CR1: variants seen among roughly 807,000 people sequenced by gnomAD.
CR1 encodes the protein complement C3b/C4b receptor 1 (Knops blood group), also known as complement receptor type 1.
CR1 carries 116 observed loss-of-function variants against 187.3 expected under a neutral mutation model. The ratio of observed to expected loss-of-function variants is 0.62; its 90% CI spans 0.53 to 0.72. The LOEUF (loss-of-function observed/expected upper bound fraction) is 0.72. Ranked by LOEUF, CR1 falls within the 30% of genes least tolerant of loss-of-function variation. The pLI is 0.00. For synonymous variants in CR1, 576 were observed against 747.1 expected (o/e 0.77, Z 3.73); for missense variants, 1,731 against 2,110.7 (o/e 0.82, Z 3.52).
intron 46 of CR1, among the ~76,000 whole-genome samples, chr1:207,638,939 C>A (rs1371358132): frequency 1.3e-5 from 2 of 152,100 alleles, no homozygotes; most frequent in East Asian, 3.9e-4. Flanking sequence ...TGGCGGGGGA[C>A]AATTGTTGTA....
At chr1:207,622,111 C>A in intron 44 of CR1, 115 bp downstream of exon 44, 2 of 705,494 alleles carry the variant, frequency 2.8e-6, no homozygotes, top group South Asian at 2.4e-5. Context: ...GTAAAGAGAT[C>A]AAAATATCTT....
chr1:207,638,748 T>A lies in CR1; in HGVS notation c.7458-649T>A, dbSNP rs151281985. Among the ~76,000 whole-genome samples the A allele has an allele frequency of 9.2e-5, 14 of 152,370 alleles. 1 individual carries two copies. The East Asian group carries it at 2.7e-3, about 29-fold the overall frequency. The stretch of plus-strand genomic sequence containing the variant: ...TTGAATTTCGCCATTATAGTCTGAA[T>A]CAACCACATCAGTACGAATTTGAAC... On this transcript the variant is annotated intron_variant, in intron 46 of 46. Coordinates refer to ENST00000367049, the MANE Select transcript of CR1 (RefSeq NM_000651.6).
chr1:207,598,550 G>C (rs1181775097), intron 35 of CR1, among the ~76,000 whole-genome samples: 1 of 152,026 alleles, frequency 6.6e-6, no homozygotes, highest in Non-Finnish European at 1.5e-5. Context: ...CTGCCGAGTA[G>C]CTGGGACTAC....
Position 207,587,431 on chromosome 1 carries a change from T to C in CR1, c.5576T>C (p.Ile1859Thr). The C allele has an allele frequency of 6.2e-7, 1 of 1,613,952 alleles. No homozygotes were observed. The highest frequency in any genetic ancestry group is 8.5e-7 in the Non-Finnish European group (1 of 1,179,806). ...PEQFPFASPT[I>T]PINDFEFPVG... ...CAGTTTCCATTTGCCAGTCCTACGATCCCAATTAATGACTTTGAGTTTCCA... is the reference window on the plus strand; with the variant it reads ...CAGTTTCCATTTGCCAGTCCTACGACCCCAATTAATGACTTTGAGTTTCCA... The change falls in exon 34 of 47, where the codon ATC (isoleucine) becomes ACC (threonine). Residue 1859 changes from isoleucine to threonine, a missense_variant. Physicochemically the swap from Ile to Thr is moderately conservative, Grantham distance 89. Transcript: ENST00000367049.
In CR1 at chr1:207,624,725, T is replaced by C. The variant is rs115598132; in HGVS notation, c.7352+1657T>C. ...TCTTTTCCATTACAAAAAGAAAAGG[T>C]AAGTAGCTGGGCACTTTACCTTAAC... On this transcript the variant is annotated intron_variant, in intron 45 of 46. Transcript: ENST00000367049. Among the ~76,000 whole-genome samples the C allele has an allele frequency of 9.8e-3, 1,499 of 152,270 alleles. 26 individuals carry two copies. The highest frequency in any genetic ancestry group is 0.035 in the African/African-American group (1,454 of 41,544).
chr1:207,567,348 A>G (rs375478403), intron 24 of CR1, among the ~76,000 whole-genome samples: 1 of 149,734 alleles, frequency 6.7e-6, no homozygotes. Context: ...TTGATGATCA[A>G]TATCAATAAG....
At chr1:207,633,542 T>C (rs868154837) in intron 46 of CR1, among the ~76,000 whole-genome samples, 5 of 152,252 alleles carry the variant, frequency 3.3e-5, no homozygotes, top group African/African-American at 1.2e-4. Flanking sequence ...TTAACTCTAT[T>C]GCATTCATGT....
chr1:207,523,032 T>C (rs1464360306), intron 4 of CR1, among the ~76,000 whole-genome samples: 1 of 152,186 alleles, frequency 6.6e-6, no homozygotes, highest in Non-Finnish European at 1.5e-5. Context: ...AACCTTGAAA[T>C]TACATTTGGA....
At chr1:207,587,922 A>T (rs1661160809) in intron 34 of CR1, among the ~76,000 whole-genome samples, 1 of 152,238 alleles carries the variant, frequency 6.6e-6, no homozygotes, top group South Asian at 2.1e-4. Context: ...TGGCTCTCAC[A>T]AAAGAATTAG....
In CR1 at chr1:207,566,150, T is replaced by C. The variant is rs552540017; in HGVS notation, c.3952+227T>C. Among the ~76,000 whole-genome samples the C allele has an allele frequency of 3.3e-5, 5 of 150,480 alleles. 1 individual carries two copies. Among genetic ancestry groups the C allele is most frequent in the African/African-American group, 1.3e-4 (5 of 39,844 alleles). On this transcript the variant is annotated intron_variant, in intron 24 of 46. Transcript: ENST00000367049. ...GCATTCTCTGTTCTAGTGCGATAAATCCTTTGGTCTTGTGCTCCTAGGTCA... is the reference window on the plus strand; with the variant it reads ...GCATTCTCTGTTCTAGTGCGATAAACCCTTTGGTCTTGTGCTCCTAGGTCA...
chr1:207,620,060 C>T lies in CR1; in HGVS notation c.7247C>T (p.Thr2416Ile). Reference protein sequence around the residue: ...DRWDPPLAKCTSRTHDALIVG... With the variant: ...DRWDPPLAKCISRTHDALIVG... ...TGGGACCCTCCTCTGGCCAAATGTACCTCTCGTAAGTGCAAGTGCAAGGAA... is the reference window on the plus strand; with the variant it reads ...TGGGACCCTCCTCTGGCCAAATGTATCTCTCGTAAGTGCAAGTGCAAGGAA... Residue 2416 changes from threonine (T) to isoleucine (I), a missense_variant, in exon 43 of 47, where the codon ACC (threonine) becomes ATC (isoleucine). This residue lies in a region of CR1 where 1,312 missense variants were observed against 1,379.6 expected (regional missense o/e 0.95). Coordinates refer to ENST00000367049, the MANE Select transcript of CR1 (RefSeq NM_000651.6). The T allele has an allele frequency of 1.2e-6, 2 of 1,608,822 alleles. No homozygotes were observed. The highest frequency in any genetic ancestry group is 1.7e-6 in the Non-Finnish European group (2 of 1,178,598).
chr1:207,604,637 C>T (rs1016932383), intron 35 of CR1, among the ~76,000 whole-genome samples: 1 of 152,146 alleles, frequency 6.6e-6, no homozygotes, highest in Non-Finnish European at 1.5e-5. Context: ...TGGGCTTTCC[C>T]CCATTTTGCT....
intron 42 of CR1, among the ~76,000 whole-genome samples, chr1:207,619,383 AAAAAAAAAAAAG>A (rs1403932822): frequency 3.3e-5 from 5 of 151,844 alleles, no homozygotes; most frequent in Admixed American, 2.0e-4. Context: ...ACTCAAAAAA[AAAAAAAAAAAAG>A]AAAAAGAAAA....
chr1:207,503,594 T>C (rs1223588770), intron 1 of CR1, among the ~76,000 whole-genome samples: 6 of 152,166 alleles, frequency 3.9e-5, no homozygotes, highest in Non-Finnish European at 8.8e-5. Flanking sequence ...TTCTTCTGTC[T>C]CCTTTCACCC....
At chr1:207,600,334 T>G (rs1343950249) in intron 35 of CR1, among the ~76,000 whole-genome samples, 3 of 152,136 alleles carry the variant, frequency 2.0e-5, no homozygotes, top group Non-Finnish European at 2.9e-5. Context: ...GGCAAATAAG[T>G]GAACAAATAA....
chr1:207,594,284 T>G (rs772969517), intron 35 of CR1, among the ~76,000 whole-genome samples: 7 of 152,130 alleles, frequency 4.6e-5, no homozygotes, highest in Admixed American at 1.3e-4. Flanking sequence ...TAAAAAAGGA[T>G]GAGTTCATGT....
chr1:207,499,923 T>G (rs1659214417), intron 1 of CR1, among the ~76,000 whole-genome samples: 2 of 152,156 alleles, frequency 1.3e-5, no homozygotes, highest in Admixed American at 6.5e-5. Context: ...AAGATCCCAG[T>G]AATAAAACCA....
rs3940150 is a variant in CR1, at chr1:207,612,056, G to A, written c.6575+15G>A. 1 of 1,611,192 alleles carries A rather than the reference G, an allele frequency of 6.2e-7. No homozygotes were observed. The highest frequency in any genetic ancestry group is 1.3e-5 in the African/African-American group (1 of 75,000). ...TGCGATGAAGGGTGAGTGTGACCCA[G>A]CGTTGAGACCAAGGACTCAGTGTGG... On this transcript the variant is annotated intron_variant, in intron 39 of 46. Transcript: ENST00000367049.
chr1:207,589,858 A>G (rs942727097), intron 35 of CR1, among the ~76,000 whole-genome samples: 5 of 152,246 alleles, frequency 3.3e-5, no homozygotes, highest in Admixed American at 3.3e-4. Flanking sequence ...AAGTGAAACA[A>G]AGGATATCAG....
Sources: gnomAD v4.1 joint callset for allele counts (sites outside exome capture counted in the v4.1 genomes callset) on GRCh38, gnomAD v4.1.1 for gene constraint, gnomAD v4.1.1 regional missense constraint, MANE v1.5 for transcripts, NCBI Gene and HGNC (gene_info 2026-07-23, HGNC 2026-07-21) for gene names.